Variants in HMGB1 observed in about 807,000 individuals in gnomAD.
HMGB1 encodes high mobility group protein B1.
For missense variants in HMGB1, 79 were observed against 253.5 expected, an observed-to-expected ratio of 0.31 and a Z score of 4.67; for synonymous variants, 81 against 84.0, an observed-to-expected ratio of 0.96 and a Z score of 0.19.
chr13:30,465,084 T>G (rs1391134022), intron 1 of HMGB1: 46 of 896,932 alleles, frequency 5.1e-5, no homozygotes, highest in Non-Finnish European at 5.0e-5. Context: ...TCGGAACTGC[T>G]GCGCCCAGCT....
chr13:30,487,617 C>T (rs1887393160), intron 1 of HMGB1, among the ~76,000 whole-genome samples: 1 of 152,046 alleles, frequency 6.6e-6, no homozygotes, highest in African/African-American at 2.4e-5. Context: ...GACTTTTTTC[C>T]CCCTTACCAT....
At chr13:30,488,384 G>T (rs574930024) in intron 1 of HMGB1, among the ~76,000 whole-genome samples, 2 of 152,280 alleles carry the variant, frequency 1.3e-5, no homozygotes, top group Admixed American at 1.3e-4. Flanking sequence ...GATCTGAATT[G>T]CTGCTATGGC....
chr13:30,509,020 G>A (rs139901812), intron 1 of HMGB1, among the ~76,000 whole-genome samples: 3 of 149,214 alleles, frequency 2.0e-5, no homozygotes, highest in Admixed American at 6.7e-5. Flanking sequence ...CTGTAGCCTC[G>A]ACTTCCTGGG....
chr13:30,589,330 A>T (rs1253186064), intron 1 of HMGB1, among the ~76,000 whole-genome samples: 1 of 152,138 alleles, frequency 6.6e-6, no homozygotes, highest in Non-Finnish European at 1.5e-5. Flanking sequence ...ATGCATTAGG[A>T]AACTAAGGCT....
intron 1 of HMGB1, among the ~76,000 whole-genome samples, chr13:30,492,126 C>T (rs1042532528): frequency 6.6e-6 from 1 of 151,640 alleles, no homozygotes; most frequent in African/African-American, 2.4e-5. Context: ...CAAGATTGCA[C>T]CACTGCACTC....
At chr13:30,538,743 TTC>T (rs1244033258) in intron 1 of HMGB1, among the ~76,000 whole-genome samples, 1 of 147,824 alleles carries the variant, frequency 6.8e-6, no homozygotes, top group Non-Finnish European at 1.5e-5. Context: ...TCTTTCTTTC[TTC>T]TTTTTCTTTC....
chr13:30,520,794 C>T (rs1258863067), intron 1 of HMGB1, among the ~76,000 whole-genome samples: 1 of 152,096 alleles, frequency 6.6e-6, no homozygotes, highest in East Asian at 1.9e-4. Context: ...TAAGAGAATC[C>T]AACAGTACTA....
At chr13:30,553,924 T>C in intron 1 of HMGB1, 2 of 1,438,512 alleles carry the variant, frequency 1.4e-6, no homozygotes, top group East Asian at 4.6e-5. Context: ...AGTTACATCT[T>C]AACACCGGGT....
intron 1 of HMGB1, among the ~76,000 whole-genome samples, chr13:30,570,297 A>T: frequency 6.6e-6 from 1 of 152,254 alleles, no homozygotes; most frequent in Non-Finnish European, 1.5e-5. Flanking sequence ...TATTAAAAAT[A>T]AAGAAGAAAG....
At chr13:30,526,276 C>T (rs1485482834) in intron 1 of HMGB1, among the ~76,000 whole-genome samples, 2 of 151,990 alleles carry the variant, frequency 1.3e-5, no homozygotes, top group Non-Finnish European at 2.9e-5. Flanking sequence ...AGGCTGGTCT[C>T]AAACTCCTGA....
chr13:30,492,082 C>T (rs188772718), intron 1 of HMGB1, among the ~76,000 whole-genome samples: 17 of 151,868 alleles, frequency 1.1e-4, no homozygotes, highest in Non-Finnish European at 1.2e-4. Flanking sequence ...GCAGGAGAAT[C>T]GCTTGAAGCC....
rs58109089 is a variant in HMGB1 at position 30,518,846 on chromosome 13, CAA to C, written c.-14-55154_-14-55153del. ...TCAGCCTCCCAAGTAGCTGGGACCA[CAA>C]AAAAAAAAAAAAAAAGCTACATGCC... On this transcript the variant is annotated intron_variant, in intron 1 of 4. Coordinates refer to the HMGB1 transcript ENST00000405805. Among the ~76,000 whole-genome samples the C allele has an allele frequency of 8.1e-3, 724 of 88,948 alleles. 4 individuals are homozygous for C. The highest frequency in any genetic ancestry group is 0.023 in the African/African-American group (636 of 27,894). The allele number at this position is 88,948 out of a possible 152,430, so 58.4% of individuals were successfully genotyped here. A position where few individuals can be genotyped will look rare whatever the true frequency, so the allele number is the denominator to read the frequency against.
chr13:30,598,751 G>C (rs942345312), intron 1 of HMGB1, among the ~76,000 whole-genome samples: 3 of 152,140 alleles, frequency 2.0e-5, no homozygotes, highest in Non-Finnish European at 1.5e-5. Flanking sequence ...TTTTAAAATG[G>C]TCTATTTCAA....
intron 1 of HMGB1, among the ~76,000 whole-genome samples, chr13:30,555,044 T>TTG (rs1175141466): frequency 1.5e-5 from 2 of 136,694 alleles, no homozygotes; most frequent in African/African-American, 5.5e-5. Context: ...TTTTTTTTTT[T>TTG]TTTTTTTTTT....
At chr13:30,517,853 A>G (rs1373129132) in intron 1 of HMGB1, among the ~76,000 whole-genome samples, 2 of 152,212 alleles carry the variant, frequency 1.3e-5, no homozygotes, top group Non-Finnish European at 2.9e-5. Context: ...GGGACAATCA[A>G]TGTGAAAGAA....
intron 1 of HMGB1, among the ~76,000 whole-genome samples, chr13:30,478,439 G>A (rs1887148868): frequency 6.6e-6 from 1 of 152,146 alleles, no homozygotes; most frequent in Admixed American, 6.6e-5. Context: ...TTGGCTAAAT[G>A]CATTTTAATC....
At chr13:30,604,425 A>G (rs1340546759) in intron 1 of HMGB1, among the ~76,000 whole-genome samples, 1 of 152,166 alleles carries the variant, frequency 6.6e-6, no homozygotes, top group Non-Finnish European at 1.5e-5. Flanking sequence ...GTCTGGTGAC[A>G]TTTCTGGCTG....
At chr13:30,615,110 T>C (rs544689729) in intron 1 of HMGB1, among the ~76,000 whole-genome samples, 1 of 152,302 alleles carries the variant, frequency 6.6e-6, no homozygotes, top group South Asian at 2.1e-4. Flanking sequence ...CGGCTACACT[T>C]AAAAATATGC....
intron 2 of HMGB1, 69 bp downstream of exon 2, chr13:30,463,461 GC>G: frequency 1.3e-6 from 2 of 1,542,566 alleles, no homozygotes; most frequent in South Asian, 1.2e-5. Context: ...TGCCAACTAG[GC>G]TTTTTTTTGC....
Sources: allele counts gnomAD v4.1 joint callset (sites outside exome capture counted in the v4.1 genomes callset), GRCh38; gene constraint gnomAD v4.1.1; transcripts MANE v1.5; gene names NCBI Gene and HGNC (gene_info 2026-07-23, HGNC 2026-07-21).